The following BMAL1 variants were observed in gnomAD, a reference collection of about 807,000 sequenced individuals.
The protein encoded by BMAL1 is basic helix-loop-helix ARNT like 1.
the BMAL1 span, chr11:13,354,977 T>C: frequency 3.0e-6 from 1 of 333,022 alleles, no homozygotes; most frequent in African/African-American, 2.0e-5. Context: ...ATAGTATTTT[T>C]GTTTATTTTT....
At chr11:13,277,648 G>C in the BMAL1 span, 4 of 147,066 alleles carry the variant, frequency 2.7e-5, no homozygotes, top group African/African-American at 9.8e-5. Flanking sequence ...TCGGGCGTTC[G>C]GATTGGCTGG....
At chr11:13,378,271 TTTAATACA>T in the BMAL1 span, 2 of 1,492,462 alleles carry the variant, frequency 1.3e-6, no homozygotes, top group East Asian at 2.5e-5. Flanking sequence ...CTGGTTTTAC[TTTAATACA>T]TAATAGTATT....
the BMAL1 span, chr11:13,356,676 T>G: frequency 6.3e-7 from 1 of 1,592,156 alleles, no homozygotes; most frequent in Non-Finnish European, 8.6e-7. Flanking sequence ...TTCTGTCTTA[T>G]GATAAGAAGC....
At chr11:13,357,051 C>G in the BMAL1 span, 1 of 1,614,190 alleles carries the variant, frequency 6.2e-7, no homozygotes, top group Non-Finnish European at 8.5e-7. The surrounding 1 kb of genome is among the most constrained non-coding windows in gnomAD (Gnocchi z 4.8). Context: ...TTTCCTCCCC[C>G]CAGGTTAGAA....
the BMAL1 span, among the ~76,000 whole-genome samples, chr11:13,382,041 A>AGC: frequency 6.6e-6 from 1 of 152,138 alleles, no homozygotes; most frequent in Non-Finnish European, 1.5e-5. Context: ...AACCATCAAA[A>AGC]GCAGGGCAAG....
the BMAL1 span, among the ~76,000 whole-genome samples, chr11:13,328,622 C>T: frequency 1.3e-5 from 2 of 152,226 alleles, no homozygotes; most frequent in Non-Finnish European, 2.9e-5. Context: ...TGTAGCTATG[C>T]TGCCAGTGTC....
At chr11:13,308,429 A>C in the BMAL1 span, among the ~76,000 whole-genome samples, 1 of 152,192 alleles carries the variant, frequency 6.6e-6, no homozygotes, top group Non-Finnish European at 1.5e-5. Context: ...GTGTGAATCC[A>C]GGAGACTAGT....
the BMAL1 span, chr11:13,355,020 T>A: frequency 2.4e-6 from 1 of 412,926 alleles, no homozygotes; most frequent in Admixed American, 3.7e-5. Context: ...AGTAAGTAAA[T>A]TTTCACACTT....
chr11:13,338,930 C>T, the BMAL1 span, among the ~76,000 whole-genome samples: 2 of 152,238 alleles, frequency 1.3e-5, no homozygotes, highest in African/African-American at 4.8e-5. Context: ...TTCACCTCCA[C>T]TCACAGCAAC....
At chr11:13,339,516 C>G in the BMAL1 span, among the ~76,000 whole-genome samples, 2 of 151,808 alleles carry the variant, frequency 1.3e-5, no homozygotes, top group Non-Finnish European at 2.9e-5. Flanking sequence ...TGTCACTCCC[C>G]ATTTTACTCA....
At chr11:13,372,316 T>A in the BMAL1 span, 1 of 1,614,168 alleles carries the variant, frequency 6.2e-7, no homozygotes, top group South Asian at 1.1e-5. Context: ...TCTCATGTAG[T>A]TCCACAACCA....
At chr11:13,290,389 G>A in the BMAL1 span, among the ~76,000 whole-genome samples, 2 of 152,092 alleles carry the variant, frequency 1.3e-5, no homozygotes. Flanking sequence ...GGCCAGTCTG[G>A]CATTCTTGGA....
At chr11:13,374,461 G>A in the BMAL1 span, among the ~76,000 whole-genome samples, 1 of 152,182 alleles carries the variant, frequency 6.6e-6, no homozygotes. Flanking sequence ...ACCCTGTAAA[G>A]ATTTAGTATG....
At chr11:13,329,172 C>T in the BMAL1 span, among the ~76,000 whole-genome samples, 5 of 152,224 alleles carry the variant, frequency 3.3e-5, no homozygotes, top group African/African-American at 9.6e-5. Context: ...AATTAGAACC[C>T]AGGGGTAGCA....
At chr11:13,342,234 A>G in the BMAL1 span, among the ~76,000 whole-genome samples, 1 of 152,236 alleles carries the variant, frequency 6.6e-6, no homozygotes, top group Non-Finnish European at 1.5e-5. Flanking sequence ...GGCAGAGGAC[A>G]GTGCCAGGCC....
the BMAL1 span, among the ~76,000 whole-genome samples, chr11:13,344,279 A>G: frequency 6.6e-6 from 1 of 152,126 alleles, no homozygotes; most frequent in Admixed American, 6.5e-5. Context: ...ATGCTCCACT[A>G]ATACAAAAAA....
At chr11:13,348,236 G>C in the BMAL1 span, among the ~76,000 whole-genome samples, 1 of 152,244 alleles carries the variant, frequency 6.6e-6, no homozygotes, top group Admixed American at 6.5e-5. Flanking sequence ...AGGCAGGGTG[G>C]TTTTGGGAAC....
chr11:13,297,741 C>A, the BMAL1 span, among the ~76,000 whole-genome samples: 1 of 152,232 alleles, frequency 6.6e-6, no homozygotes, highest in African/African-American at 2.4e-5. Context: ...CTTCCCCCTG[C>A]TTTCCATCCT....
chr11:13,355,139 T>C, the BMAL1 span: 1 of 1,212,820 alleles, frequency 8.2e-7, no homozygotes. Flanking sequence ...CTTACCCAAA[T>C]GTCCATTTAA....
Sources: allele counts gnomAD v4.1 joint callset (sites outside exome capture counted in the v4.1 genomes callset), GRCh38; gene constraint gnomAD v4.1.1; non-coding constraint Gnocchi (gnomAD v3.1); transcripts MANE v1.5; gene names NCBI Gene and HGNC (gene_info 2026-07-23, HGNC 2026-07-21).